PIF1: variants seen among roughly 807,000 people sequenced by gnomAD.
PIF1 encodes the protein ATP-dependent DNA helicase PIF1.
Under a neutral mutation model 62.3 loss-of-function variants are expected in PIF1, and 67 were observed. The observed-to-expected ratio is 1.08, with a 90% CI of 0.88 to 1.32. The LOEUF (loss-of-function observed/expected upper bound fraction) is 1.32. Ranked by LOEUF, PIF1 falls within the 40% of genes most tolerant of loss-of-function variation. The pLI is 0.00. For synonymous variants in PIF1, 364 were observed against 379.5 expected (o/e 0.96, Z 0.47); for missense variants, 886 against 866.1 (o/e 1.02, Z -0.29).
At chr15:64,826,703 CACACACATATATATAT>C, upstream of PIF1, among the ~76,000 whole-genome samples, 1 of 127,998 alleles carries the variant, frequency 7.8e-6, no homozygotes, top group East Asian at 2.2e-4. Flanking sequence ...CATATATATA[CACACACATATATATAT>C]ACACACACAT....
chr15:64,819,863 C>T lies in PIF1; in HGVS notation c.1317G>A (p.Arg439=), dbSNP rs762882631. The T allele has an allele frequency of 2.3e-5, 37 of 1,613,422 alleles. No individual in the cohort carries two copies. Among genetic ancestry groups the T allele is most frequent in the Non-Finnish European group, 3.1e-5 (37 of 1,180,036 alleles). The change falls in exon 8 of 13, where the codon CGG becomes CGA. Residue 439 remains arginine (R), a synonymous_variant. Coordinates refer to ENST00000559239, the MANE Select transcript of PIF1 (RefSeq NM_001286496.2). The part of the protein sequence containing the change: ...QDDVALTNER[R]LQELPGKVHR... ...CCTGCTCACCTGGCAGCTCCTGAAGCCGCCTCTCGTTGGTGAGGGCCACAT... is the reference window on the plus strand; with the variant it reads ...CCTGCTCACCTGGCAGCTCCTGAAGTCGCCTCTCGTTGGTGAGGGCCACAT...
chr15:64,816,865 C>T (rs2084193900), intron 11 of PIF1, 100 bp from the exon 12 acceptor site: 4 of 1,124,468 alleles, frequency 3.6e-6, no homozygotes, highest in Non-Finnish European at 3.7e-6. Flanking sequence ...CCTGGATCTC[C>T]TCGTCCAGTC....
At position 64,824,306 on chromosome 15, in the gene PIF1, C is replaced by A. The variant is rs1169306205; in HGVS notation, c.30G>T (p.Gly10=). The A allele has an allele frequency of 8.7e-6, 11 of 1,259,336 alleles. No individual in the cohort carries two copies. In the East Asian group the frequency reaches 1.2e-4, roughly 14 times the overall value. The allele number at this position is 1,259,336 out of a possible 1,614,324, so 78.0% of individuals were successfully genotyped here. The change falls in exon 2 of 13, where the codon GGG becomes GGT. Residue 10 remains glycine (G), a synonymous_variant. Coordinates refer to ENST00000559239, the MANE Select transcript of PIF1 (RefSeq NM_001286496.2). MLSGIEAAA[G]EYEDSELRCR... ...ACCGCAGCTCCGAGTCCTCATATTC[C>A]CCTGCCGCCGCCTCTATGCCCGAGA...
At chr15:64,817,889 C>A in intron 11 of PIF1, 57 bp downstream of exon 11, 2 of 1,557,090 alleles carry the variant, frequency 1.3e-6, no homozygotes, top group Non-Finnish European at 8.7e-7. Context: ...ACATAGACTG[C>A]AACATGCCTG....
intron 2 of PIF1, among the ~76,000 whole-genome samples, chr15:64,822,953 C>T (rs59525950): frequency 0.089 from 13,601 of 152,046 alleles, 1,796 homozygotes; most frequent in African/African-American, 0.29. Context: ...ACCTGTTTCT[C>T]ACCTCAAAAT....
upstream of PIF1, among the ~76,000 whole-genome samples, chr15:64,826,665 TACACAC>T (rs796586375): frequency 1.7e-3 from 73 of 42,782 alleles, no homozygotes; most frequent in African/African-American, 6.3e-3. Flanking sequence ...TATATATATA[TACACAC>T]ACACACACAT....
intron 7 of PIF1, 128 bp from the exon 8 acceptor site, chr15:64,820,114 G>A (rs912072038): frequency 1.6e-6 from 2 of 1,212,250 alleles, no homozygotes; most frequent in African/African-American, 3.0e-5. Context: ...CCAGGGAAGA[G>A]TTGCTGCCCC....
chr15:64,822,848 A>C (rs906274586), intron 2 of PIF1, among the ~76,000 whole-genome samples: 18 of 152,042 alleles, frequency 1.2e-4, no homozygotes, highest in Admixed American at 5.2e-4. Flanking sequence ...TGTGGTCTAC[A>C]CCCTCCCTTA....
chr15:64,817,880 CAT>C, intron 11 of PIF1, 64 bp downstream of exon 11: 1 of 1,527,128 alleles, frequency 6.5e-7, no homozygotes, highest in Non-Finnish European at 8.8e-7. Flanking sequence ...AAAAAAGACA[CAT>C]AGACTGCAAC....
rs1166749227 is a variant in PIF1 at position 64,822,508 on chromosome 15, C to T, written c.661G>A (p.Gly221Ser). ...CTCCCAGTGAAGAAGATGCTCTGGCCTTTCAGGACGGCCCTCAGCACAGCA... is the reference window on the plus strand; with the variant it reads ...CTCCCAGTGAAGAAGATGCTCTGGCTTTTCAGGACGGCCCTCAGCACAGCA... ...QAAVLRAVLK[G>S]QSIFFTGSAG... Residue 221 changes from glycine (G) to serine (S), a missense_variant, in exon 3 of 13, where the codon GGC (glycine) becomes AGC (serine). Gly to Ser is a moderately conservative substitution (Grantham distance 56). Coordinates refer to ENST00000559239, the MANE Select transcript of PIF1 (RefSeq NM_001286496.2). 2 of 1,614,020 alleles carry T rather than the reference C, an allele frequency of 1.2e-6. No homozygotes were observed. The highest frequency in any genetic ancestry group is 2.7e-5 in the African/African-American group (2 of 74,912).
rs551127035 is a variant in PIF1, at chr15:64,820,605, C to A, written c.1193+377G>T. Reference sequence around the variant, plus strand: ...AGAGACTGGGTTTCACCAGGTTGGCCAGGCTGGTCTCAAACTCCTGATCTT... The same window carrying A: ...AGAGACTGGGTTTCACCAGGTTGGCAAGGCTGGTCTCAAACTCCTGATCTT... On this transcript the variant is annotated intron_variant, in intron 7 of 12. Coordinates refer to ENST00000559239, the MANE Select transcript of PIF1 (RefSeq NM_001286496.2). Among the ~76,000 whole-genome samples the A allele has an allele frequency of 2.3e-3, 346 of 152,332 alleles. 1 individual carries two copies. The highest frequency in any genetic ancestry group is 8.0e-3 in the African/African-American group (332 of 41,584).
At chr15:64,821,634 C>G (rs1480177181) in intron 4 of PIF1, 114 bp from the exon 5 acceptor site, 2 of 1,304,174 alleles carry the variant, frequency 1.5e-6, no homozygotes, top group East Asian at 5.2e-5. Context: ...TGCAGTGGCA[C>G]GATCTTGGCT....
chr15:64,821,502 G>A lies in PIF1; in HGVS notation c.836C>T (p.Ala279Val), dbSNP rs761741999. The A allele has an allele frequency of 1.2e-6, 2 of 1,611,066 alleles. No homozygotes were observed. The highest frequency in any genetic ancestry group is 8.5e-7 in the Non-Finnish European group (1 of 1,178,522). Residue 279 changes from alanine to valine, a missense_variant, in exon 5 of 13, where the codon GCT becomes GTT. Coordinates refer to ENST00000559239, the MANE Select transcript of PIF1 (RefSeq NM_001286496.2). The part of the protein sequence containing the change: ...HAFAGIGSGQ[A>V]PLAQCVALAQ... Reference sequence around the variant, plus strand: ...CAGGGCCACACACTGGGCTAGAGGAGCCTGGCCTGAGCCGATGCCTGTGAG... The same window carrying A: ...CAGGGCCACACACTGGGCTAGAGGAACCTGGCCTGAGCCGATGCCTGTGAG...
Position 64,816,652 on chromosome 15 carries a change from A to G in PIF1, c.1788T>C (p.Phe596=). 1.2e-6 allele frequency: 2 copies of G among 1,614,114 alleles called. No individual in the cohort carries two copies. Among genetic ancestry groups the G allele is most frequent in the Non-Finnish European group, 1.7e-6 (2 of 1,180,034 alleles). The change falls in exon 12 of 13, where the codon TTT becomes TTC. Residue 596 remains phenylalanine, a synonymous_variant. Transcript: ENST00000559239. ...RSLQGLRVLD[F]DPMAVRCDPR... Reference sequence around the variant, plus strand: ...GGTCACAGCGAACCGCCATGGGGTCAAAGTCCAGCACACGTAGGCCCTGCA... The same window carrying G: ...GGTCACAGCGAACCGCCATGGGGTCGAAGTCCAGCACACGTAGGCCCTGCA...
chr15:64,816,153 C>T lies in PIF1; in HGVS notation c.*145G>A. ...GGTTTAAAGTACTCTCCCTTTAACC[C>T]TGCCAGGAGGCTGAGAGTCCCTAAA... is the stretch of plus-strand genomic sequence containing the variant. On this transcript the variant is annotated 3_prime_UTR_variant, in exon 13 of 13. Coordinates refer to ENST00000559239, the MANE Select transcript of PIF1 (RefSeq NM_001286496.2). 1 of 1,496,092 alleles carries T rather than the reference C, an allele frequency of 6.7e-7. No homozygotes were observed. Among genetic ancestry groups the T allele is most frequent in the Admixed American group, 2.3e-5 (1 of 43,328 alleles). 92.7% of individuals were successfully genotyped at this position (1,496,092 alleles called of 1,614,324 possible). A position where few individuals can be genotyped will look rare whatever the true frequency, so the allele number is the denominator to read the frequency against.
intron 9 of PIF1, chr15:64,818,760 C>T (rs946944720): frequency 9.9e-6 from 3 of 302,672 alleles, no homozygotes; most frequent in Admixed American, 4.8e-5. Flanking sequence ...TTCTGCCCAC[C>T]CCCAACATTG....
At chr15:64,825,237 C>G (rs776932733) in intron 1 of PIF1, among the ~76,000 whole-genome samples, 1 of 151,964 alleles carries the variant, frequency 6.6e-6, no homozygotes, top group Non-Finnish European at 1.5e-5. Context: ...AGAGGGCTGC[C>G]GTGTAATAAG....
Position 64,823,796 on chromosome 15 carries a change from A to G in PIF1, c.540T>C (p.Ala180=). The G allele has an allele frequency of 1.5e-6, 2 of 1,341,348 alleles. No individual in the cohort carries two copies. Among genetic ancestry groups the G allele is most frequent in the South Asian group, 2.4e-5 (1 of 41,918 alleles). The allele number at this position is 1,341,348 out of a possible 1,614,324, so 83.1% of individuals were successfully genotyped here. ...TLVKRPVEPQ[A]GAEPSTEAPR... is the part of the protein sequence containing the mutation. ...TCCTCACTGTGCTAGGCTCGGCCCC[A>G]GCCTGGGGCTCCACAGGCCGCTTCA... The change falls in exon 2 of 13, where the codon GCT becomes GCC. Residue 180 remains alanine, a synonymous_variant. Transcript: ENST00000559239.
rs2084304607 is a variant in PIF1 at position 64,822,482 on chromosome 15, A to C, written c.687T>G (p.Ser229Arg). The C allele has an allele frequency of 1.2e-6, 2 of 1,607,062 alleles. No individual in the cohort carries two copies. The highest frequency in any genetic ancestry group is 2.8e-5 in the African/African-American group (2 of 72,104). The part of the protein sequence containing the change: ...LKGQSIFFTG[S>R]AGTGKSYLLK... ...CCTCCTCTCTGCCCCCACTACCTGC[A>C]CTCCCAGTGAAGAAGATGCTCTGGC... Residue 229 changes from serine to arginine, a missense_variant, in exon 3 of 13, where the codon AGT becomes AGG. By Grantham distance (110) the Ser-to-Arg change is moderately radical (BLOSUM62 -1). Transcript: ENST00000559239.
Sources: allele counts gnomAD v4.1 joint callset (sites outside exome capture counted in the v4.1 genomes callset), GRCh38; gene constraint gnomAD v4.1.1; transcripts MANE v1.5; gene names NCBI Gene and HGNC (gene_info 2026-07-23, HGNC 2026-07-21).